Variants in FAM53B observed in about 807,000 individuals in gnomAD.
The protein encoded by FAM53B is protein FAM53B.
FAM53B carries 12 observed loss-of-function variants against 32.7 expected under a neutral mutation model. The ratio of observed to expected loss-of-function variants is 0.37; its 90% CI spans 0.24 to 0.59. The LOEUF (loss-of-function observed/expected upper bound fraction) is 0.59, where lower values mean the gene tolerates loss of function less well. Ranked by LOEUF, FAM53B falls within the 20% of genes least tolerant of loss-of-function variation. FAM53B has a pLI of 0.72. For missense variants in FAM53B, 477 were observed against 577.7 expected, an observed-to-expected ratio of 0.83 and a Z score of 1.79; for synonymous variants, 234 against 228.7, an observed-to-expected ratio of 1.02 and a Z score of -0.21.
intron 4 of FAM53B, among the ~76,000 whole-genome samples, chr10:124,655,007 AC>A (rs1564869060): frequency 6.6e-6 from 1 of 152,182 alleles, no homozygotes; most frequent in Non-Finnish European, 1.5e-5. Context: ...TGCCCAGGTT[AC>A]AGGAGCCCCA....
intron 1 of FAM53B, among the ~76,000 whole-genome samples, chr10:124,709,815 G>A (rs571793297): frequency 6.7e-6 from 1 of 150,206 alleles, no homozygotes; most frequent in East Asian, 2.0e-4. Flanking sequence ...TAGCCTGAGT[G>A]ACAGAGTGAG....
chr10:124,672,574 A>G (rs562896480), intron 4 of FAM53B, among the ~76,000 whole-genome samples: 1 of 152,356 alleles, frequency 6.6e-6, no homozygotes, highest in South Asian at 2.1e-4. Flanking sequence ...GATGTGGCAC[A>G]GCTGAGACAA....
At chr10:124,663,912 C>G (rs905072395) in intron 4 of FAM53B, among the ~76,000 whole-genome samples, 2 of 152,174 alleles carry the variant, frequency 1.3e-5, no homozygotes, top group South Asian at 4.1e-4. Context: ...CCAGGTCTCC[C>G]GAGCCTGGCA....
At chr10:124,657,172 A>G (rs201127537) in intron 4 of FAM53B, among the ~76,000 whole-genome samples, 100 of 22,042 alleles carry the variant, frequency 4.5e-3, no homozygotes, top group Non-Finnish European at 0.017. Context: ...GTATATATAT[A>G]TGTACATATA....
intron 4 of FAM53B, among the ~76,000 whole-genome samples, chr10:124,656,631 G>A (rs986506576): frequency 2.6e-5 from 4 of 152,150 alleles, no homozygotes; most frequent in East Asian, 1.9e-4. Context: ...CAGACAACAC[G>A]ACCCTCCCGA....
chr10:124,731,809 C>T (rs1475810719), intron 1 of FAM53B, among the ~76,000 whole-genome samples: 2 of 152,150 alleles, frequency 1.3e-5, no homozygotes, highest in South Asian at 2.1e-4. Flanking sequence ...CTGTAAAATG[C>T]TTCCCCGACC....
At chr10:124,683,517 ATCAC>A (rs779861073) in intron 3 of FAM53B, among the ~76,000 whole-genome samples, 4 of 152,216 alleles carry the variant, frequency 2.6e-5, no homozygotes, top group Admixed American at 1.3e-4. Flanking sequence ...AGCAATGCAG[ATCAC>A]TCACTGAGCA....
In FAM53B at chr10:124,651,800, CT is replaced by C. The variant is rs1404617508; in HGVS notation, c.907-28197del. 6.6e-6 allele frequency among the ~76,000 whole-genome samples: 1 copy of C among 152,256 alleles called. No individual in the cohort carries two copies. The highest frequency in any genetic ancestry group is 6.5e-5 in the Admixed American group (1 of 15,286). On this transcript the variant is annotated intron_variant, in intron 4 of 4. Coordinates refer to ENST00000337318, the MANE Select transcript of FAM53B (RefSeq NM_014661.4). The surrounding 1 kb of genome is among the most constrained non-coding windows in gnomAD (Gnocchi z 5.2). ...GGCACATGGCGGGGACACGCCACCC[CT>C]GCTGTCTACTATGACTGGGCCTGGA...
At position 124,706,936 on chromosome 10, in the gene FAM53B, G is replaced by C. The variant is rs183129293; in HGVS notation, c.-174-49C>G. On this transcript the variant is annotated intron_variant, in intron 1 of 4. Coordinates refer to ENST00000337318, the MANE Select transcript of FAM53B (RefSeq NM_014661.4). Reference sequence around the variant, plus strand: ...AAAGATTCAGGACTAAGAAAGACGAGGGCCCTGAGAGTCACCCCTCCCACA... The same window carrying C: ...AAAGATTCAGGACTAAGAAAGACGACGGCCCTGAGAGTCACCCCTCCCACA... 4.6e-5 allele frequency: 65 copies of C among 1,403,818 alleles called. No homozygotes were observed. In the East Asian group the frequency reaches 1.5e-3, roughly 32 times the overall value. 87.0% of individuals were successfully genotyped at this position (1,403,818 alleles called of 1,614,324 possible). A position where few individuals can be genotyped will look rare whatever the true frequency, so the allele number is the denominator to read the frequency against.
At chr10:124,724,931 T>A (rs1415686618) in intron 1 of FAM53B, among the ~76,000 whole-genome samples, 1 of 152,216 alleles carries the variant, frequency 6.6e-6, no homozygotes, top group Non-Finnish European at 1.5e-5. Context: ...TGTGCCCAGC[T>A]GCTGGGGGCT....
chr10:124,636,300 T>TG (rs1450667699), intron 4 of FAM53B, among the ~76,000 whole-genome samples: 1 of 152,186 alleles, frequency 6.6e-6, no homozygotes, highest in African/African-American at 2.4e-5. Flanking sequence ...TTTTTTTTTT[T>TG]AACGGCACTT....
chr10:124,714,374 C>T (rs576021277), intron 1 of FAM53B, among the ~76,000 whole-genome samples: 4 of 152,090 alleles, frequency 2.6e-5, no homozygotes, highest in Admixed American at 6.6e-5. Flanking sequence ...TTCAACGACT[C>T]CCACAGCCAG....
At chr10:124,722,973 C>T (rs1950078706) in intron 1 of FAM53B, among the ~76,000 whole-genome samples, 1 of 152,240 alleles carries the variant, frequency 6.6e-6, no homozygotes, top group Non-Finnish European at 1.5e-5. Context: ...GAACTTGCCA[C>T]CCACTTCCCC....
At chr10:124,714,746 G>A (rs1348144566) in intron 1 of FAM53B, among the ~76,000 whole-genome samples, 5 of 131,928 alleles carry the variant, frequency 3.8e-5, no homozygotes, top group Non-Finnish European at 4.7e-5. Flanking sequence ...GTGACAGAGC[G>A]AGACTCCACC....
At chr10:124,643,226 A>G (rs1310647348) in intron 4 of FAM53B, among the ~76,000 whole-genome samples, 1 of 152,262 alleles carries the variant, frequency 6.6e-6, no homozygotes, top group African/African-American at 2.4e-5. Flanking sequence ...ACACTCACCC[A>G]GCTGAAAGCA....
intron 4 of FAM53B, among the ~76,000 whole-genome samples, chr10:124,668,180 C>CAT (rs1949685552): frequency 6.6e-6 from 1 of 152,210 alleles, no homozygotes; most frequent in African/African-American, 2.4e-5. Flanking sequence ...AACCTCACAC[C>CAT]ATTTCAGATG....
intron 4 of FAM53B, among the ~76,000 whole-genome samples, chr10:124,676,579 C>T (rs1399810326): frequency 3.3e-5 from 5 of 150,572 alleles, no homozygotes; most frequent in South Asian, 2.1e-4. Flanking sequence ...CCCTCAAAGG[C>T]GGCCCCACCA....
At chr10:124,646,899 C>A (rs1257772531) in intron 4 of FAM53B, among the ~76,000 whole-genome samples, 3 of 152,228 alleles carry the variant, frequency 2.0e-5, no homozygotes, top group African/African-American at 7.2e-5. Flanking sequence ...TGGGTGTCGA[C>A]CTCTCCAGGT....
At chr10:124,635,523 T>G (rs1003173203) in intron 4 of FAM53B, among the ~76,000 whole-genome samples, 30 of 152,182 alleles carry the variant, frequency 2.0e-4, no homozygotes, top group Non-Finnish European at 3.5e-4. Flanking sequence ...CCTATCTGGT[T>G]GTGAAAATGT....
Sources: gnomAD v4.1 joint callset for allele counts (sites outside exome capture counted in the v4.1 genomes callset) on GRCh38, gnomAD v4.1.1 for gene constraint, Gnocchi (gnomAD v3.1) non-coding constraint, MANE v1.5 for transcripts, NCBI Gene and HGNC (gene_info 2026-07-23, HGNC 2026-07-21) for gene names.